ATP2B1: variants seen among roughly 807,000 people sequenced by gnomAD.
ATP2B1 encodes ATPase plasma membrane Ca2+ transporting 1.
Under a neutral mutation model 124.2 loss-of-function variants are expected in ATP2B1, and 14 were observed. That is an observed-to-expected ratio of 0.11 (90% confidence interval 0.07 to 0.18). The LOEUF is 0.18. Among genes scored for constraint, ATP2B1 ranks in the 10% least tolerant of loss-of-function variants. ATP2B1 has a pLI of 1.00. For missense variants in ATP2B1, 763 were observed against 1,466.1 expected (o/e 0.52, Z 7.83); for synonymous variants, 449 against 492.4 (o/e 0.91, Z 1.17).
At chr12:89,701,534 G>A (rs1374486192) in intron 1 of ATP2B1, among the ~76,000 whole-genome samples, 1 of 152,100 alleles carries the variant, frequency 6.6e-6, no homozygotes, top group African/African-American at 2.4e-5. Context: ...AATTTTTCTG[G>A]GAGATTTTTA....
At chr12:89,601,127 T>C (rs947473882) in intron 19 of ATP2B1, among the ~76,000 whole-genome samples, 199 bp downstream of exon 19, 31 of 152,288 alleles carry the variant, frequency 2.0e-4, no homozygotes, top group African/African-American at 6.7e-4. Flanking sequence ...TAGTATTTTA[T>C]AGTACAGGCA....
Position 89,682,990 on chromosome 12 carries a change from G to GA in ATP2B1, c.-222+25605dup, listed in dbSNP as rs1889542452. On this transcript the variant is annotated intron_variant, in intron 1 of 20. Transcript: ENST00000428670. ...AAATGTTTTAAGTTGAGGGAAAAAA[G>GA]AATCAAATCTCCTAAAGAAGAATGA... is the stretch of plus-strand genomic sequence containing the variant. Among the ~76,000 whole-genome samples, 4 of 152,022 alleles carry GA rather than the reference G, an allele frequency of 2.6e-5. No homozygotes were observed. The South Asian group carries it at 8.3e-4, about 32-fold the overall frequency.
chr12:89,647,289 G>A (rs1392187605), intron 2 of ATP2B1, among the ~76,000 whole-genome samples: 1 of 152,152 alleles, frequency 6.6e-6, no homozygotes, highest in Non-Finnish European at 1.5e-5. Flanking sequence ...ATCAAAAGTA[G>A]CCTCAGAATT....
At chr12:89,691,311 T>C (rs1037649387) in intron 1 of ATP2B1, among the ~76,000 whole-genome samples, 1 of 152,172 alleles carries the variant, frequency 6.6e-6, no homozygotes, top group Non-Finnish European at 1.5e-5. Context: ...TTTATCCTTA[T>C]GACCTCAAAT....
intron 2 of ATP2B1, among the ~76,000 whole-genome samples, chr12:89,649,171 T>C (rs1370064850): frequency 6.6e-6 from 1 of 152,202 alleles, no homozygotes; most frequent in Non-Finnish European, 1.5e-5. Flanking sequence ...CACTGCTTAG[T>C]GGAGCTGTGG....
At chr12:89,629,493 G>C (rs561612540) in intron 6 of ATP2B1, among the ~76,000 whole-genome samples, 1 of 152,256 alleles carries the variant, frequency 6.6e-6, no homozygotes, top group South Asian at 2.1e-4. Flanking sequence ...AACCTAGAAT[G>C]GGGGGCTTGC....
chr12:89,643,306 T>C (rs1368925338), intron 2 of ATP2B1, among the ~76,000 whole-genome samples: 1 of 151,870 alleles, frequency 6.6e-6, no homozygotes, highest in Non-Finnish European at 1.5e-5. Flanking sequence ...TAGATACAGA[T>C]TTGGTTTAGT....
rs546560670 is a variant in ATP2B1, at chr12:89,658,016, C to T, written c.-221-1909G>A. On this transcript the variant is annotated intron_variant, in intron 1 of 20. Coordinates refer to ENST00000428670, the MANE Select transcript of ATP2B1 (RefSeq NM_001366521.1). ...CCCAGGCAAAGTGGGTTCCCTCCTA[C>T]GCACACATCAATTATAATAATAATC... 6.6e-5 allele frequency among the ~76,000 whole-genome samples: 10 copies of T among 152,242 alleles called. No homozygotes were observed. In the East Asian group the frequency reaches 7.7e-4, roughly 12 times the overall value.
chr12:89,638,642 C>A (rs889871969), intron 3 of ATP2B1, among the ~76,000 whole-genome samples: 3 of 152,084 alleles, frequency 2.0e-5, no homozygotes, highest in African/African-American at 7.2e-5. Flanking sequence ...GAACATTTTT[C>A]ATCAAAATGC....
At chr12:89,692,280 G>T (rs1444581587) in intron 1 of ATP2B1, among the ~76,000 whole-genome samples, 1 of 151,992 alleles carries the variant, frequency 6.6e-6, no homozygotes, top group African/African-American at 2.4e-5. Context: ...TTTCTATATT[G>T]AAGAAAGTGA....
chr12:89,634,589 C>T (rs1882390492), intron 5 of ATP2B1, among the ~76,000 whole-genome samples, 189 bp downstream of exon 5: 1 of 152,078 alleles, frequency 6.6e-6, no homozygotes, highest in South Asian at 2.1e-4. Context: ...AAATATAGCT[C>T]TGCATTCAAA....
intron 1 of ATP2B1, among the ~76,000 whole-genome samples, chr12:89,707,754 GCA>G (rs1311568589): frequency 3.9e-5 from 6 of 152,196 alleles, no homozygotes; most frequent in Admixed American, 6.5e-5. Context: ...AATGAAATGC[GCA>G]CAGAGACCAA....
intron 12 of ATP2B1, among the ~76,000 whole-genome samples, chr12:89,613,054 A>G (rs1219784018): frequency 1.3e-5 from 2 of 151,926 alleles, no homozygotes; most frequent in East Asian, 3.9e-4. Flanking sequence ...ATGTTGATTC[A>G]CTGCAACCTC....
intron 1 of ATP2B1, among the ~76,000 whole-genome samples, chr12:89,674,936 C>G (rs1456097578): frequency 1.3e-5 from 2 of 152,150 alleles, no homozygotes; most frequent in Non-Finnish European, 2.9e-5. Flanking sequence ...AAAACACTAG[C>G]CGTTACATAA....
intron 2 of ATP2B1, among the ~76,000 whole-genome samples, chr12:89,649,896 GT>G (rs1565871030): frequency 6.6e-6 from 1 of 152,248 alleles, no homozygotes; most frequent in South Asian, 2.1e-4. Context: ...AGATCTGGCT[GT>G]TTAAAAGAGT....
At chr12:89,704,999 T>A (rs1892286066) in intron 1 of ATP2B1, among the ~76,000 whole-genome samples, 1 of 152,148 alleles carries the variant, frequency 6.6e-6, no homozygotes. Flanking sequence ...TTTCTTGTGT[T>A]AAGATATAAA....
intron 9 of ATP2B1, among the ~76,000 whole-genome samples, 198 bp from the exon 10 acceptor site, chr12:89,621,989 C>T (rs1880052293): frequency 6.6e-6 from 1 of 151,526 alleles, no homozygotes; most frequent in Admixed American, 6.6e-5. Context: ...AAACACAGTA[C>T]CAGAGCTTTC....
chr12:89,641,479 T>C (rs1565858989), intron 3 of ATP2B1, among the ~76,000 whole-genome samples: 1 of 152,224 alleles, frequency 6.6e-6, no homozygotes, highest in Non-Finnish European at 1.5e-5. Flanking sequence ...ATGTTTCATA[T>C]ACACCTTATA....
intron 15 of ATP2B1, among the ~76,000 whole-genome samples, 166 bp from the exon 16 acceptor site, chr12:89,604,512 A>G (rs1876458327): frequency 6.6e-6 from 1 of 152,206 alleles, no homozygotes; most frequent in Non-Finnish European, 1.5e-5. Flanking sequence ...TATTACTAGG[A>G]AAGACATTCT....
Sources: gnomAD v4.1 joint callset for allele counts (sites outside exome capture counted in the v4.1 genomes callset) on GRCh38, gnomAD v4.1.1 for gene constraint, MANE v1.5 for transcripts, NCBI Gene and HGNC (gene_info 2026-07-23, HGNC 2026-07-21) for gene names.